The following SV2C variants were observed in gnomAD, a reference collection of about 807,000 sequenced individuals.
SV2C encodes solute carrier family 22 member B3.
Under a neutral mutation model 79.7 loss-of-function variants are expected in SV2C, and 49 were observed. That is an observed-to-expected ratio of 0.61 (90% CI 0.49 to 0.78). The LOEUF (loss-of-function observed/expected upper bound fraction) is 0.78. SV2C is among the 30% of genes least tolerant of loss of function. SV2C has a pLI of 0.00. For missense variants in SV2C, 833 were observed against 912.9 expected, an observed-to-expected ratio of 0.91 and a Z score of 1.13; for synonymous variants, 334 against 333.2, an observed-to-expected ratio of 1.00 and a Z score of -0.03.
the SV2C span, among the ~76,000 whole-genome samples, chr5:76,042,517 C>T: frequency 2.0e-5 from 3 of 152,320 alleles, no homozygotes; most frequent in South Asian, 2.1e-4. Flanking sequence ...ATCTATAGAT[C>T]CTCCTTCTAA....
chr5:76,122,133 C>T (rs1018398516), intron 1 of SV2C, among the ~76,000 whole-genome samples: 1 of 150,846 alleles, frequency 6.6e-6, no homozygotes. Flanking sequence ...TTTGAAGCAA[C>T]TGTGAATGGG....
the SV2C span, among the ~76,000 whole-genome samples, chr5:75,959,218 C>T: frequency 6.6e-6 from 1 of 151,902 alleles, no homozygotes; most frequent in Admixed American, 6.6e-5. Context: ...CATTTAAGGA[C>T]CTCTTTTCTA....
intron 4 of SV2C, among the ~76,000 whole-genome samples, chr5:76,276,740 TC>T (rs548368167): frequency 4.1e-5 from 6 of 145,212 alleles, no homozygotes; most frequent in Non-Finnish European, 7.4e-5. Flanking sequence ...TTCTTTCTTT[TC>T]TTTTTTTTTT....
chr5:76,185,020 A>C (rs10037990), intron 2 of SV2C, among the ~76,000 whole-genome samples: 120,907 of 152,248 alleles, frequency 0.79, 48,598 homozygotes, highest in East Asian at 0.91. Context: ...GGGTTACAGG[A>C]ATTGGGTAAA....
the SV2C span, among the ~76,000 whole-genome samples, chr5:76,043,649 T>C: frequency 6.6e-6 from 1 of 152,252 alleles, no homozygotes; most frequent in Non-Finnish European, 1.5e-5. Flanking sequence ...AGCTTTATTA[T>C]ACTTCAAACT....
chr5:76,072,442 A>G, the SV2C span, among the ~76,000 whole-genome samples: 1 of 152,192 alleles, frequency 6.6e-6, no homozygotes, highest in Non-Finnish European at 1.5e-5. Context: ...CTGGTAAGTA[A>G]TGAGAGCCAT....
chr5:76,145,926 T>C (rs1345347030), intron 2 of SV2C, among the ~76,000 whole-genome samples: 1 of 152,194 alleles, frequency 6.6e-6, no homozygotes, highest in Non-Finnish European at 1.5e-5. Context: ...ATAATAATAA[T>C]TATATGTCCT....
chr5:76,153,362 C>T (rs769024130), intron 2 of SV2C, among the ~76,000 whole-genome samples: 3 of 152,190 alleles, frequency 2.0e-5, no homozygotes, highest in Admixed American at 6.5e-5. Context: ...TGATGTCTCT[C>T]GGCTCTCCTA....
chr5:76,280,766 G>A (rs1747161256), intron 4 of SV2C, among the ~76,000 whole-genome samples: 3 of 152,180 alleles, frequency 2.0e-5, no homozygotes, highest in Non-Finnish European at 4.4e-5. Context: ...GGGTCCCCTG[G>A]CCCAGAGCAG....
In SV2C at chr5:76,194,805, G is replaced by A. The variant is rs1476969941; in HGVS notation, c.581-114G>A. 2.3e-6 allele frequency: 3 copies of A among 1,283,068 alleles called. No individual in the cohort carries two copies. The East Asian group carries it at 7.0e-5, about 30-fold the overall frequency. The allele number at this position is 1,283,068 out of a possible 1,614,324, so 79.5% of individuals were successfully genotyped here. A position where few individuals can be genotyped will look rare whatever the true frequency, so the allele number is the denominator to read the frequency against. ...TGTCCTGAAGGTTATATTTTTAAAGGAAATTTTCCTCATGCAAAATGCTGG... is the reference window on the plus strand; with the variant it reads ...TGTCCTGAAGGTTATATTTTTAAAGAAAATTTTCCTCATGCAAAATGCTGG... On this transcript the variant is annotated intron_variant, in intron 2 of 12. Transcript: ENST00000502798.
chr5:75,898,736 C>T, the SV2C span, among the ~76,000 whole-genome samples: 4 of 152,152 alleles, frequency 2.6e-5, no homozygotes, highest in African/African-American at 9.7e-5. Flanking sequence ...ATTATTGCCA[C>T]AATTTCAGAT....
At chr5:75,898,953 C>T in the SV2C span, among the ~76,000 whole-genome samples, 1 of 147,052 alleles carries the variant, frequency 6.8e-6, no homozygotes, top group Non-Finnish European at 1.5e-5. Context: ...TTTGATTCTT[C>T]TTTCTTTTTT....
At chr5:75,897,494 G>A in the SV2C span, among the ~76,000 whole-genome samples, 1 of 152,164 alleles carries the variant, frequency 6.6e-6, no homozygotes, top group Admixed American at 6.5e-5. Flanking sequence ...TTTGAAGTCA[G>A]GTAGCGTGAT....
intron 2 of SV2C, among the ~76,000 whole-genome samples, chr5:76,171,741 G>C (rs1356464695): frequency 5.8e-4 from 70 of 120,300 alleles, no homozygotes; most frequent in Admixed American, 3.6e-3. Flanking sequence ...GGCCAGCCGT[G>C]CCGTCCGGGA....
chr5:76,020,798 T>G, the SV2C span, among the ~76,000 whole-genome samples: 2 of 152,156 alleles, frequency 1.3e-5, no homozygotes, highest in African/African-American at 2.4e-5. Context: ...CAAGATGGGT[T>G]AAGAAAGCAG....
chr5:75,856,981 G>C, the SV2C span, among the ~76,000 whole-genome samples: 1 of 144,638 alleles, frequency 6.9e-6, no homozygotes, highest in Non-Finnish European at 1.5e-5. Context: ...TTTTGGGACG[G>C]AGTCTCGCTC....
chr5:76,069,463 G>T, the SV2C span, among the ~76,000 whole-genome samples: 4 of 151,330 alleles, frequency 2.6e-5, no homozygotes, highest in Non-Finnish European at 1.5e-5. Context: ...TGTAGTGTAG[G>T]TCCTTGTTTT....
chr5:76,268,522 C>T (rs1461977549), intron 4 of SV2C, among the ~76,000 whole-genome samples: 4 of 152,180 alleles, frequency 2.6e-5, no homozygotes, highest in Non-Finnish European at 5.9e-5. Flanking sequence ...TGGTTAGTGC[C>T]AGGTGCTTTT....
At chr5:75,972,877 T>C in the SV2C span, among the ~76,000 whole-genome samples, 17,663 of 152,030 alleles carry the variant, frequency 0.12, 3,034 homozygotes, top group African/African-American at 0.37. Flanking sequence ...CACATGCACA[T>C]GTATGTTTAT....
Sources: allele counts gnomAD v4.1 joint callset (sites outside exome capture counted in the v4.1 genomes callset), GRCh38; gene constraint gnomAD v4.1.1; transcripts MANE v1.5; gene names NCBI Gene and HGNC (gene_info 2026-07-23, HGNC 2026-07-21).